KLF8: variants seen among roughly 807,000 people sequenced by gnomAD.
KLF8 encodes the protein KLF transcription factor 8.
KLF8 carries 10 observed loss-of-function variants against 18.2 expected under a neutral mutation model. The observed-to-expected ratio is 0.55, with a 90% CI of 0.34 to 0.93. The LOEUF (loss-of-function observed/expected upper bound fraction) is 0.93. Ranked by LOEUF, KLF8 falls within the 40% of genes least tolerant of loss-of-function variation. The pLI is 0.02. For synonymous variants in KLF8, 109 were observed against 97.3 expected (o/e 1.12, Z -0.71); for missense variants, 264 against 277.9 (o/e 0.95, Z 0.36).
the KLF8 span, among the ~76,000 whole-genome samples, chrX:56,189,031 A>C: frequency 8.9e-6 from 1 of 111,898 alleles, no homozygotes; most frequent in South Asian, 3.7e-4. Flanking sequence ...GGATCTAATT[A>C]AACTCAAGAG....
the KLF8 span, among the ~76,000 whole-genome samples, chrX:56,134,648 A>G: frequency 2.7e-5 from 3 of 111,571 alleles, no homozygotes; most frequent in Non-Finnish European, 5.7e-5. Context: ...CAAAACAAGG[A>G]TAAATAGGTG....
chrX:56,187,415 T>G, the KLF8 span, among the ~76,000 whole-genome samples: 3 of 111,626 alleles, frequency 2.7e-5, no homozygotes, highest in East Asian at 2.8e-4. Flanking sequence ...CACGACCAGA[T>G]GAATTCACAG....
the KLF8 span, among the ~76,000 whole-genome samples, chrX:56,225,691 CT>C: frequency 2.7e-5 from 3 of 112,368 alleles, no homozygotes; most frequent in East Asian, 8.4e-4. Flanking sequence ...AGTTAATTCT[CT>C]CAATATCCTG....
intron 5 of KLF8, among the ~76,000 whole-genome samples, chrX:56,280,882 A>T (rs1182696702): frequency 8.9e-6 from 1 of 112,224 alleles, no homozygotes; most frequent in African/African-American, 3.2e-5. Flanking sequence ...ATGAAAAATT[A>T]ATTTGAGCTT....
chrX:56,265,849 T>C, intron 3 of KLF8, 105 bp downstream of exon 3: 1 of 1,090,711 alleles, frequency 9.2e-7, no homozygotes, highest in South Asian at 2.4e-5. Context: ...TCTTGCACAC[T>C]GCTTCAAGAG....
At chrX:56,156,257 C>T in the KLF8 span, among the ~76,000 whole-genome samples, 1 of 111,929 alleles carries the variant, frequency 8.9e-6, no homozygotes, top group South Asian at 3.7e-4. Context: ...CTTTTAAGTT[C>T]AGGGGTACAA....
the KLF8 span, among the ~76,000 whole-genome samples, chrX:56,115,104 A>G: frequency 9.1e-6 from 1 of 110,384 alleles, no homozygotes; most frequent in African/African-American, 3.3e-5. Flanking sequence ...TCTTAAAATT[A>G]TTTATTTATT....
At chrX:56,077,636 G>T in the KLF8 span, among the ~76,000 whole-genome samples, 1 of 111,507 alleles carries the variant, frequency 9.0e-6, no homozygotes, top group African/African-American at 3.3e-5. Context: ...CTCTTTTTTG[G>T]TTCCATATGA....
the KLF8 span, among the ~76,000 whole-genome samples, chrX:56,177,993 A>G: frequency 1.8e-5 from 2 of 111,587 alleles, no homozygotes; most frequent in Admixed American, 9.5e-5. Context: ...TCCAGGTGCC[A>G]TCTGTCACCC....
chrX:56,002,413 GTGTA>G, the KLF8 span, among the ~76,000 whole-genome samples: 1,226 of 39,880 alleles, frequency 0.031, 11 homozygotes, highest in African/African-American at 0.18. Context: ...ATCAATTTGT[GTGTA>G]TGTGTGTGTG....
the KLF8 span, among the ~76,000 whole-genome samples, chrX:56,175,872 T>C: frequency 9.0e-6 from 1 of 111,590 alleles, no homozygotes; most frequent in Non-Finnish European, 1.9e-5. Context: ...TTGTCTCTTT[T>C]GATCTTTGTT....
At chrX:56,067,317 G>A in the KLF8 span, among the ~76,000 whole-genome samples, 1 of 108,107 alleles carries the variant, frequency 9.3e-6, no homozygotes, top group South Asian at 4.4e-4. Context: ...CAATAGGTCA[G>A]GCCTATTTTT....
At chrX:56,078,056 T>G in the KLF8 span, among the ~76,000 whole-genome samples, 1 of 109,659 alleles carries the variant, frequency 9.1e-6, no homozygotes. Flanking sequence ...GACAATGGGG[T>G]TTTCCAGATA....
chrX:55,961,232 G>T, the KLF8 span: 1 of 306,814 alleles, frequency 3.3e-6, no homozygotes, highest in East Asian at 7.6e-5. Flanking sequence ...CTCCAGCCAT[G>T]TCCTCTCCAG....
At chrX:56,270,046 T>G in intron 4 of KLF8, 136 bp from the exon 5 acceptor site, 2 of 607,088 alleles carry the variant, frequency 3.3e-6, no homozygotes, top group Non-Finnish European at 5.0e-6. Flanking sequence ...TTCCAATTAT[T>G]TCTTTTTGGG....
the KLF8 span, among the ~76,000 whole-genome samples, chrX:55,945,291 A>C: frequency 9.0e-6 from 1 of 111,095 alleles, no homozygotes; most frequent in Non-Finnish European, 1.9e-5. Flanking sequence ...GTGGTGCTGA[A>C]AAAAATGTAT....
At chrX:56,084,493 A>G in the KLF8 span, among the ~76,000 whole-genome samples, 1 of 112,279 alleles carries the variant, frequency 8.9e-6, no homozygotes, top group Non-Finnish European at 1.9e-5. Flanking sequence ...ACATACAGCC[A>G]GTCTTGACAT....
At chrX:55,981,690 C>T in the KLF8 span, among the ~76,000 whole-genome samples, 1 of 111,896 alleles carries the variant, frequency 8.9e-6, no homozygotes, top group East Asian at 2.8e-4. Flanking sequence ...TTCCCACAGC[C>T]TTCTTTGGGT....
the KLF8 span, among the ~76,000 whole-genome samples, chrX:56,148,298 T>G: frequency 1.8e-5 from 2 of 111,746 alleles, no homozygotes; most frequent in Non-Finnish European, 3.8e-5. Flanking sequence ...TATTCTTCCT[T>G]TTCTTTACTG....
Sources: gnomAD v4.1 joint callset for allele counts (sites outside exome capture counted in the v4.1 genomes callset) on GRCh38, gnomAD v4.1.1 for gene constraint, MANE v1.5 for transcripts, NCBI Gene and HGNC (gene_info 2026-07-23, HGNC 2026-07-21) for gene names.